The following DGLUCY variants were observed in gnomAD, a reference collection of about 807,000 sequenced individuals.
DGLUCY encodes D-glutamate cyclase.
In DGLUCY, 58 loss-of-function variants were observed where a neutral mutation model predicts 58.5. The ratio of observed to expected loss-of-function variants is 0.99; its 90% CI spans 0.80 to 1.23. DGLUCY has a LOEUF of 1.23. Among genes scored for constraint, DGLUCY ranks in the 50% most tolerant of loss-of-function variants. The pLI is 0.00. For missense variants in DGLUCY, 779 were observed against 784.7 expected (o/e 0.99, Z 0.09); for synonymous variants, 325 against 314.1 (o/e 1.03, Z -0.37).
chr14:91,077,861 AGAAAGGAAG>A (rs1311212915), intron 1 of DGLUCY, among the ~76,000 whole-genome samples: 1 of 151,668 alleles, frequency 6.6e-6, no homozygotes, highest in African/African-American at 2.4e-5. Flanking sequence ...GAATGAAGGA[AGAAAGGAAG>A]GAAGGGAAGG....
At chr14:91,098,241 G>A (rs1451609223) in intron 1 of DGLUCY, among the ~76,000 whole-genome samples, 1 of 152,192 alleles carries the variant, frequency 6.6e-6, no homozygotes, top group Non-Finnish European at 1.5e-5. Flanking sequence ...AGGATCACTT[G>A]AGCCCAGGAG....
rs893369436 is a variant in DGLUCY, at chr14:91,073,787, A to G, written c.-82+13083A>G. ...AGCCCTACACCTTCAAGAACCTGCA[A>G]GGCAGAAGGATCACTTGAACCCAGG... On this transcript the variant is annotated intron_variant, in intron 1 of 4. Coordinates refer to the DGLUCY transcript ENST00000521334. Among the ~76,000 whole-genome samples the G allele has an allele frequency of 5.9e-5, 9 of 152,270 alleles. No homozygotes were observed. In the South Asian group the frequency reaches 8.3e-4, roughly 14 times the overall value.
intron 3 of DGLUCY, among the ~76,000 whole-genome samples, chr14:91,166,468 C>A (rs1210137137): frequency 1.3e-5 from 2 of 152,062 alleles, no homozygotes; most frequent in African/African-American, 4.8e-5. Context: ...TGTTTGAGAC[C>A]AACCTGGCCA....
At chr14:91,062,556 AAAATATAT>A (rs2043727755) in intron 1 of DGLUCY, among the ~76,000 whole-genome samples, 1 of 30,594 alleles carries the variant, frequency 3.3e-5, no homozygotes, top group Non-Finnish European at 6.0e-5. Context: ...TAAAAAAAAA[AAAATATAT>A]ATATATATAT....
At chr14:91,115,179 T>A (rs532711787) in intron 1 of DGLUCY, 258 of 152,610 alleles carry the variant, frequency 1.7e-3, no homozygotes, top group Non-Finnish European at 3.0e-3. Flanking sequence ...AATGTTGGCA[T>A]TGATTGGCAC....
intron 1 of DGLUCY, among the ~76,000 whole-genome samples, chr14:91,129,804 G>A (rs766115460): frequency 2.2e-4 from 34 of 151,976 alleles, no homozygotes; most frequent in Admixed American, 5.2e-4. Flanking sequence ...GTGCCACCAC[G>A]CCTGGCTAAT....
intron 1 of DGLUCY, among the ~76,000 whole-genome samples, chr14:91,146,230 C>G (rs1212079062): frequency 6.6e-6 from 1 of 152,210 alleles, no homozygotes; most frequent in African/African-American, 2.4e-5. Flanking sequence ...ACTAATCTCA[C>G]ATGGCTGGCA....
intron 1 of DGLUCY, among the ~76,000 whole-genome samples, chr14:91,126,838 G>A (rs1244773447): frequency 6.6e-6 from 1 of 152,094 alleles, no homozygotes; most frequent in Non-Finnish European, 1.5e-5. Flanking sequence ...GTGAGGGTTG[G>A]GACTTGGATT....
At chr14:91,206,023 A>C (rs927842898) in intron 12 of DGLUCY, among the ~76,000 whole-genome samples, 11 of 151,274 alleles carry the variant, frequency 7.3e-5, no homozygotes, top group Non-Finnish European at 1.6e-4. Flanking sequence ...TATTTTTAGT[A>C]GAGATAGGGT....
At chr14:91,222,354 G>A (rs1291842730) in intron 13 of DGLUCY, among the ~76,000 whole-genome samples, 1 of 152,204 alleles carries the variant, frequency 6.6e-6, no homozygotes, top group East Asian at 1.9e-4. Flanking sequence ...GGATGAGAAT[G>A]GTGAGGGAAA....
chr14:91,133,897 G>A (rs911638651), intron 1 of DGLUCY, among the ~76,000 whole-genome samples: 3 of 152,164 alleles, frequency 2.0e-5, no homozygotes, highest in Non-Finnish European at 4.4e-5. Context: ...CTGTAATGAG[G>A]TTGAGTATCT....
intron 1 of DGLUCY, among the ~76,000 whole-genome samples, chr14:91,146,447 G>C (rs2047017512): frequency 6.6e-6 from 1 of 152,166 alleles, no homozygotes; most frequent in Non-Finnish European, 1.5e-5. Context: ...CTTCCTCGGG[G>C]CATCTATGCC....
In DGLUCY at chr14:91,189,156, A is replaced by C. The variant is rs745808555; in HGVS notation, c.1181A>C (p.Asp394Ala). The C allele has an allele frequency of 3.7e-6, 6 of 1,614,160 alleles. No homozygotes were observed. In the South Asian group the frequency reaches 6.6e-5, roughly 18 times the overall value. Residue 394 changes from aspartate (D) to alanine (A), a missense_variant, in exon 9 of 14, where the codon GAT becomes GCT. By Grantham distance (126) the Asp-to-Ala change is moderately radical (BLOSUM62 -2). Transcript: ENST00000256324. ...AACTTGCACCAGAAGATTGTTGAAGATGCTGTTGAGCAAGGTAAGCAGTGA... is the reference window on the plus strand; with the variant it reads ...AACTTGCACCAGAAGATTGTTGAAGCTGCTGTTGAGCAAGGTAAGCAGTGA... ...AWNLHQKIVE[D>A]AVEQGVLKTQ...
intron 7 of DGLUCY, among the ~76,000 whole-genome samples, chr14:91,178,968 G>A (rs1342011892): frequency 6.6e-6 from 1 of 152,060 alleles, no homozygotes; most frequent in African/African-American, 2.4e-5. Context: ...AGGTTGCAGC[G>A]AGCTGAGATC....
intron 1 of DGLUCY, among the ~76,000 whole-genome samples, chr14:91,151,755 A>G (rs1413004290): frequency 2.6e-5 from 4 of 151,526 alleles, no homozygotes; most frequent in African/African-American, 9.7e-5. Context: ...CCTGAGTTCA[A>G]GAGATTCTCC....
intron 1 of DGLUCY, among the ~76,000 whole-genome samples, chr14:91,100,734 G>C (rs1019071931): frequency 2.6e-5 from 4 of 152,154 alleles, no homozygotes; most frequent in African/African-American, 9.7e-5. Context: ...CAGTATCTAG[G>C]AATCTGTGTT....
At chr14:91,214,283 T>C (rs1395873868) in intron 12 of DGLUCY, among the ~76,000 whole-genome samples, 2 of 152,184 alleles carry the variant, frequency 1.3e-5, no homozygotes, top group South Asian at 2.1e-4. Context: ...TTCGTGGTGC[T>C]CTAGCACTTA....
intron 1 of DGLUCY, among the ~76,000 whole-genome samples, chr14:91,062,606 T>TACA (rs2043748176): frequency 1.3e-4 from 4 of 30,138 alleles, no homozygotes; most frequent in East Asian, 2.0e-3. Context: ...TATATATATA[T>TACA]ATATAAACAA....
intron 13 of DGLUCY, 38 bp from the exon 14 acceptor site, chr14:91,224,646 C>T: frequency 6.5e-7 from 1 of 1,544,728 alleles, no homozygotes; most frequent in Non-Finnish European, 8.8e-7. Context: ...TTTTTCCTCC[C>T]CCTCCACTCC....
Sources: gnomAD v4.1 joint callset for allele counts (sites outside exome capture counted in the v4.1 genomes callset) on GRCh38, gnomAD v4.1.1 for gene constraint, MANE v1.5 for transcripts, NCBI Gene and HGNC (gene_info 2026-07-23, HGNC 2026-07-21) for gene names.